The following PKIG variants were observed in gnomAD, a reference collection of about 807,000 sequenced individuals.
The protein encoded by PKIG is cAMP-dependent protein kinase inhibitor gamma.
A neutral mutation model predicts 6.8 loss-of-function variants in PKIG; 1 was observed. The ratio of observed to expected loss-of-function variants is 0.15; its 90% CI spans 0.05 to 0.69. The LOEUF is 0.69. Among genes scored for constraint, PKIG ranks in the 30% least tolerant of loss-of-function variants. The pLI is 0.82. For missense variants in PKIG, 77 were observed against 104.0 expected, an observed-to-expected ratio of 0.74 and a Z score of 1.13; for synonymous variants, 39 against 43.0, an observed-to-expected ratio of 0.91 and a Z score of 0.36.
intron 1 of PKIG, among the ~76,000 whole-genome samples, chr20:44,547,982 A>T (rs2064631456): frequency 6.6e-6 from 1 of 152,144 alleles, no homozygotes; most frequent in Non-Finnish European, 1.5e-5. Context: ...GTTCGAGATC[A>T]GCCTGGCCAA....
At chr20:44,567,350 T>C (rs1261183507) in intron 1 of PKIG, among the ~76,000 whole-genome samples, 1 of 152,226 alleles carries the variant, frequency 6.6e-6, no homozygotes, top group Non-Finnish European at 1.5e-5. Context: ...CAAAGCTCCT[T>C]GAAGGAGGGC....
intron 1 of PKIG, among the ~76,000 whole-genome samples, chr20:44,534,475 T>A (rs2064494929): frequency 1.3e-5 from 2 of 150,976 alleles, no homozygotes; most frequent in South Asian, 4.2e-4. Context: ...CACCATTCTT[T>A]TTTTTTTTTT....
intron 1 of PKIG, among the ~76,000 whole-genome samples, chr20:44,548,749 CT>C (rs1289568836): frequency 6.6e-6 from 1 of 151,980 alleles, no homozygotes; most frequent in Non-Finnish European, 1.5e-5. Flanking sequence ...GCCAGAATTT[CT>C]TTAGAAAATC....
At chr20:44,570,439 C>T (rs2064844772) in intron 1 of PKIG, among the ~76,000 whole-genome samples, 1 of 152,170 alleles carries the variant, frequency 6.6e-6, no homozygotes, top group Non-Finnish European at 1.5e-5. Flanking sequence ...ACTTTTGTAT[C>T]ATCCTGAGGG....
chr20:44,541,037 C>T (rs1484145957), intron 1 of PKIG, among the ~76,000 whole-genome samples: 1 of 152,212 alleles, frequency 6.6e-6, no homozygotes, highest in Non-Finnish European at 1.5e-5. Context: ...GGTGGAGAAA[C>T]TGACTCAGCC....
At chr20:44,615,050 C>T (rs1358911565) in intron 3 of PKIG, among the ~76,000 whole-genome samples, 5 of 152,166 alleles carry the variant, frequency 3.3e-5, no homozygotes, top group Non-Finnish European at 5.9e-5. Flanking sequence ...CCTGGGCTCC[C>T]TACACCCATC....
intron 2 of PKIG, among the ~76,000 whole-genome samples, chr20:44,603,838 CTG>C (rs1329513534): frequency 6.6e-6 from 1 of 152,182 alleles, no homozygotes; most frequent in Non-Finnish European, 1.5e-5. Flanking sequence ...AGAGAAAAGA[CTG>C]TAGACCCATG....
At chr20:44,600,074 G>A (rs1004370933) in intron 2 of PKIG, among the ~76,000 whole-genome samples, 8 of 152,216 alleles carry the variant, frequency 5.3e-5, no homozygotes, top group African/African-American at 1.9e-4. Flanking sequence ...TATCCACTTA[G>A]GAGGCTCTAT....
intron 1 of PKIG, among the ~76,000 whole-genome samples, chr20:44,563,178 TAGAA>T (rs1476868779): frequency 6.6e-6 from 1 of 152,018 alleles, no homozygotes; most frequent in Non-Finnish European, 1.5e-5. Flanking sequence ...TTCCTGAGAA[TAGAA>T]AGAGATTAGC....
chr20:44,613,290 T>C (rs1473958548), intron 2 of PKIG, among the ~76,000 whole-genome samples: 1 of 152,208 alleles, frequency 6.6e-6, no homozygotes, highest in Non-Finnish European at 1.5e-5. Context: ...CTCAGCCTCC[T>C]GAGTAGCTGG....
chr20:44,531,917 G>C (rs2064469106), exon 1 of PKIG: 1 of 152,380 alleles, frequency 6.6e-6, no homozygotes, highest in Admixed American at 6.5e-5. Context: ...GCGGGCGCTA[G>C]GCTGCCCCGG....
rs1407710937 is a variant in PKIG, at chr20:44,618,506, C to T, written c.*142C>T. 1 of 642,158 alleles carries T rather than the reference C, an allele frequency of 1.6e-6. No homozygotes were observed. Among genetic ancestry groups the T allele is most frequent in the African/African-American group, 1.8e-5 (1 of 54,870 alleles). 39.8% of individuals were successfully genotyped at this position (642,158 alleles called of 1,614,324 possible). On this transcript the variant is annotated 3_prime_UTR_variant, in exon 4 of 4. Coordinates refer to ENST00000372886, the MANE Select transcript of PKIG (RefSeq NM_001281445.2). Reference sequence around the variant, plus strand: ...CAGACTGAGAAGGCTCCCCAGAGGCCTCTGTGGCCTCCACTCCGGGAAAGC... The same window carrying T: ...CAGACTGAGAAGGCTCCCCAGAGGCTTCTGTGGCCTCCACTCCGGGAAAGC...
chr20:44,555,583 C>A (rs1186853206), intron 1 of PKIG, among the ~76,000 whole-genome samples: 1 of 152,190 alleles, frequency 6.6e-6, no homozygotes, highest in East Asian at 1.9e-4. Flanking sequence ...ACCCACAGTT[C>A]TTTGTTGATA....
At chr20:44,561,174 A>G (rs1464028429) in intron 1 of PKIG, among the ~76,000 whole-genome samples, 11 of 152,160 alleles carry the variant, frequency 7.2e-5, no homozygotes. Context: ...CATCTCTACT[A>G]AAAATACAAA....
chr20:44,567,800 T>C (rs907199916), intron 1 of PKIG, among the ~76,000 whole-genome samples: 1 of 152,248 alleles, frequency 6.6e-6, no homozygotes, highest in African/African-American at 2.4e-5. Flanking sequence ...GTGTGGCTTA[T>C]GTCTCTCTTC....
chr20:44,572,177 T>G (rs1391986357), intron 1 of PKIG, among the ~76,000 whole-genome samples: 1 of 152,146 alleles, frequency 6.6e-6, no homozygotes, highest in Non-Finnish European at 1.5e-5. Flanking sequence ...CTAATTTTTT[T>G]GTGTTTTTAG....
chr20:44,612,137 G>C (rs1312676074), intron 2 of PKIG, among the ~76,000 whole-genome samples: 1 of 152,176 alleles, frequency 6.6e-6, no homozygotes, highest in Non-Finnish European at 1.5e-5. Flanking sequence ...ATACCTAGTA[G>C]TGGGATTGTT....
At chr20:44,607,526 A>G (rs2065176782) in intron 2 of PKIG, among the ~76,000 whole-genome samples, 1 of 149,776 alleles carries the variant, frequency 6.7e-6, no homozygotes, top group Admixed American at 6.7e-5. Context: ...ACAGGCGTGC[A>G]CCACCACACC....
intron 1 of PKIG, among the ~76,000 whole-genome samples, chr20:44,545,579 G>A (rs999785850): frequency 6.6e-6 from 1 of 152,116 alleles, no homozygotes; most frequent in Non-Finnish European, 1.5e-5. Context: ...TCCTAGCACT[G>A]GGAGGCTGAG....
Sources: allele counts gnomAD v4.1 joint callset (sites outside exome capture counted in the v4.1 genomes callset), GRCh38; gene constraint gnomAD v4.1.1; transcripts MANE v1.5; gene names NCBI Gene and HGNC (gene_info 2026-07-23, HGNC 2026-07-21).